The following KDM2A variants were observed in gnomAD, a reference collection of about 807,000 sequenced individuals.
The protein encoded by KDM2A is lysine demethylase 2A, also known as lysine-specific demethylase 2A.
In KDM2A, 3 loss-of-function variants were observed where a neutral mutation model predicts 137.3. The ratio of observed to expected loss-of-function variants is 0.02; its 90% CI spans 0.01 to 0.06. The LOEUF is 0.06. KDM2A is among the 10% of genes least tolerant of loss of function. The pLI, the probability that KDM2A is intolerant of heterozygous loss-of-function variation, is 1.00. For synonymous variants in KDM2A, 512 were observed against 541.5 expected, an observed-to-expected ratio of 0.95 and a Z score of 0.76; for missense variants, 738 against 1,510.6, an observed-to-expected ratio of 0.49 and a Z score of 8.48.
rs75489850 is a variant in KDM2A at position 67,246,160 on chromosome 11, G to T, written c.1965+44G>T. 693 of 1,608,960 alleles carry T rather than the reference G, an allele frequency of 4.3e-4. 2 individuals carry two copies. In the Middle Eastern group the frequency reaches 7.0e-3, roughly 16 times the overall value. Reference sequence around the variant, plus strand: ...GGTTCCTGAAGTCTCAGCTAATGGAGTGAGTGACACAACAGAATGGGACAC... The same window carrying T: ...GGTTCCTGAAGTCTCAGCTAATGGATTGAGTGACACAACAGAATGGGACAC... On this transcript the variant is annotated intron_variant, in intron 15 of 20. Coordinates refer to ENST00000529006, the MANE Select transcript of KDM2A (RefSeq NM_012308.3).
At position 67,167,650 on chromosome 11, in the gene KDM2A, C is replaced by T. The variant is rs143452376; in HGVS notation, c.43-12429C>T. On this transcript the variant is annotated intron_variant, in intron 2 of 20. Transcript: ENST00000529006. ...TTTTTTTAATCAAGAGACTTAGGTA[C>T]GCATAAGCTTCCTGCTAAATTCTGT... Among the ~76,000 whole-genome samples, 11 of 151,464 alleles carry T rather than the reference C, an allele frequency of 7.3e-5. No individual in the cohort carries two copies. In the East Asian group the frequency reaches 1.7e-3, roughly 24 times the overall value.
In KDM2A at chr11:67,252,816, T is replaced by C. The variant is rs1483694289; in HGVS notation, c.2891T>C (p.Ile964Thr). The change falls in exon 18 of 21, where the codon ATC (isoleucine) becomes ACC (threonine). Residue 964 changes from isoleucine (I) to threonine (T), a missense_variant. Transcript: ENST00000529006. The part of the protein sequence containing the change: ...PVSLDLSWTN[I>T]SKKQLTWLVN... ...AGCCTTGACCTCAGTTGGACCAACA[T>C]CTCTAAAAAGCAACTGACATGGCTC... 3 of 1,613,348 alleles carry C rather than the reference T, an allele frequency of 1.9e-6. No individual in the cohort carries two copies. The highest frequency in any genetic ancestry group is 2.5e-6 in the Non-Finnish European group (3 of 1,179,470).
Position 67,250,405 on chromosome 11 carries a change from C to A in KDM2A, c.2375C>A (p.Ala792Asp). Residue 792 changes from alanine to aspartate, a missense_variant, in exon 17 of 21, where the codon GCC becomes GAC. Physicochemically the swap from Ala to Asp is moderately radical, Grantham distance 126. Transcript: ENST00000529006. The surrounding 1 kb of genome is among the most constrained non-coding windows in gnomAD (Gnocchi z 7.1). ...AAGGAGCTGTCTGAAGTTGAGAAAG[C>A]CAAGATCCGGGGATCGTACCTCACT... ...GKKELSEVEKAKIRGSYLTVT... is the reference protein window; with the variant it reads ...GKKELSEVEKDKIRGSYLTVT... The A allele has an allele frequency of 6.2e-7, 1 of 1,614,052 alleles. No homozygotes were observed. Among genetic ancestry groups the A allele is most frequent in the Non-Finnish European group, 8.5e-7 (1 of 1,179,904 alleles).
chr11:67,140,053 A>G (rs888391823), intron 2 of KDM2A, among the ~76,000 whole-genome samples: 2 of 152,016 alleles, frequency 1.3e-5, no homozygotes, highest in African/African-American at 2.4e-5. Context: ...GGTGCCACCA[A>G]TTGAGAGAGA....
chr11:67,120,524 T>C (rs1209684339), intron 1 of KDM2A, among the ~76,000 whole-genome samples: 1 of 152,224 alleles, frequency 6.6e-6, no homozygotes, highest in Non-Finnish European at 1.5e-5. Flanking sequence ...TTGGACAAGA[T>C]GTATTTTCCT....
rs569719145 is a variant in KDM2A, at chr11:67,142,862, G to C, written c.42+21504G>C. 3.3e-5 allele frequency among the ~76,000 whole-genome samples: 5 copies of C among 151,946 alleles called. No individual in the cohort carries two copies. The South Asian group carries it at 1.0e-3, about 32-fold the overall frequency. On this transcript the variant is annotated intron_variant, in intron 2 of 20. Transcript: ENST00000529006. The stretch of plus-strand genomic sequence containing the variant: ...GATTATATGAAGTAAATAGTGGTGT[G>C]ATTAACACCCATATACCCATTGCCA...
intron 2 of KDM2A, among the ~76,000 whole-genome samples, chr11:67,126,046 G>A (rs1855719868): frequency 6.7e-6 from 1 of 150,256 alleles, no homozygotes; most frequent in Admixed American, 6.7e-5. Context: ...GGGAGATCGA[G>A]ACCAGCCTGA....
At chr11:67,180,719 CTCGGCT>C (rs1263147501) in intron 3 of KDM2A, among the ~76,000 whole-genome samples, 11 of 151,956 alleles carry the variant, frequency 7.2e-5, no homozygotes, top group Non-Finnish European at 1.3e-4. Flanking sequence ...GTGGTGCGAT[CTCGGCT>C]CACTGCAACC....
At chr11:67,203,661 G>A (rs1329231878) in intron 5 of KDM2A, among the ~76,000 whole-genome samples, 2 of 151,490 alleles carry the variant, frequency 1.3e-5, no homozygotes, top group Non-Finnish European at 2.9e-5. Context: ...GGCTGAGGTG[G>A]GAGGATCACT....
At chr11:67,124,623 T>TTC (rs1555078188) in intron 2 of KDM2A, among the ~76,000 whole-genome samples, 1 of 151,004 alleles carries the variant, frequency 6.6e-6, no homozygotes, top group Non-Finnish European at 1.5e-5. Context: ...ACTTTTTTTT[T>TTC]TTTTTTTTTT....
chr11:67,120,551 A>G (rs994422840), intron 1 of KDM2A, among the ~76,000 whole-genome samples: 2 of 152,168 alleles, frequency 1.3e-5, no homozygotes, highest in Admixed American at 6.5e-5. Flanking sequence ...CTTAGATGCA[A>G]TCGTTTATTT....
At chr11:67,139,829 G>C (rs1856054052) in intron 2 of KDM2A, among the ~76,000 whole-genome samples, 1 of 151,284 alleles carries the variant, frequency 6.6e-6, no homozygotes, top group Non-Finnish European at 1.5e-5. Context: ...TCTGCCTCAG[G>C]TCCTGAGTAG....
chr11:67,188,085 G>A (rs1857252094), intron 5 of KDM2A, among the ~76,000 whole-genome samples: 1 of 152,146 alleles, frequency 6.6e-6, no homozygotes, highest in Non-Finnish European at 1.5e-5. Context: ...TTGCATGCCT[G>A]TGCTCCTAGC....
At chr11:67,210,369 G>A (rs1857944361) in intron 6 of KDM2A, among the ~76,000 whole-genome samples, 1 of 151,776 alleles carries the variant, frequency 6.6e-6, no homozygotes. Flanking sequence ...AAACTAAGCA[G>A]CAACAAGAAA....
chr11:67,135,686 T>A (rs1438407313), intron 2 of KDM2A, among the ~76,000 whole-genome samples: 4 of 152,244 alleles, frequency 2.6e-5, no homozygotes. Flanking sequence ...GCAAAGTACT[T>A]CTTTGTCTCT....
chr11:67,199,058 G>A (rs1857555385), intron 5 of KDM2A, among the ~76,000 whole-genome samples: 1 of 152,128 alleles, frequency 6.6e-6, no homozygotes, highest in Non-Finnish European at 1.5e-5. Flanking sequence ...GAGATTACAG[G>A]CATGAGCCAC....
At chr11:67,233,159 T>C (rs1256403403) in intron 12 of KDM2A, among the ~76,000 whole-genome samples, 1 of 152,154 alleles carries the variant, frequency 6.6e-6, no homozygotes, top group Non-Finnish European at 1.5e-5. Context: ...AAAGCTAATC[T>C]ACAAGTTGTA....
At position 67,245,238 on chromosome 11, in the gene KDM2A, C is replaced by G; in HGVS notation, c.1613C>G (p.Thr538Arg). The stretch of plus-strand genomic sequence containing the variant: ...GTGCGGGTTCCTACCATCCCCATTA[C>G]GAAGCCTCACACTATGAAACCAGCT... ...PKVRVPTIPITKPHTMKPAPR... is the reference protein window; with the variant it reads ...PKVRVPTIPIRKPHTMKPAPR... The change falls in exon 14 of 21, where the codon ACG (threonine) becomes AGG (arginine). Residue 538 changes from threonine (T) to arginine (R), a missense_variant. Physicochemically the swap from Thr to Arg is moderately conservative, Grantham distance 71 (BLOSUM62 -1). This residue lies in a region of KDM2A where 71 missense variants were observed against 147.9 expected (regional missense o/e 0.48). Coordinates refer to ENST00000529006, the MANE Select transcript of KDM2A (RefSeq NM_012308.3). The surrounding 1 kb of genome is among the most constrained non-coding windows in gnomAD (Gnocchi z 4.1). 2.5e-6 allele frequency: 4 copies of G among 1,614,016 alleles called. No homozygotes were observed. Among genetic ancestry groups the G allele is most frequent in the East Asian group, 2.2e-5 (1 of 44,890 alleles).
chr11:67,223,393 T>G (rs1858433830), intron 10 of KDM2A, among the ~76,000 whole-genome samples: 1 of 105,042 alleles, frequency 9.5e-6, no homozygotes, highest in Non-Finnish European at 1.8e-5. Flanking sequence ...TCTTTCTTAT[T>G]TATTTATTTA....
Sources: gnomAD v4.1 joint callset for allele counts (sites outside exome capture counted in the v4.1 genomes callset) on GRCh38, gnomAD v4.1.1 for gene constraint, gnomAD v4.1.1 regional missense constraint, Gnocchi (gnomAD v3.1) non-coding constraint, MANE v1.5 for transcripts, NCBI Gene and HGNC (gene_info 2026-07-23, HGNC 2026-07-21) for gene names.